PDIA5: variants seen among roughly 807,000 people sequenced by gnomAD.
The protein encoded by PDIA5 is protein disulfide isomerase family A member 5.
Under a neutral mutation model 77.6 loss-of-function variants are expected in PDIA5, and 58 were observed. The ratio of observed to expected loss-of-function variants is 0.75; its 90% CI spans 0.61 to 0.93. The LOEUF (loss-of-function observed/expected upper bound fraction) is 0.93. Among genes scored for constraint, PDIA5 ranks in the 40% least tolerant of loss-of-function variants. The pLI is 0.00. For missense variants in PDIA5, 630 were observed against 647.7 expected (o/e 0.97, Z 0.30); for synonymous variants, 250 against 252.1 (o/e 0.99, Z 0.08).
At chr3:123,111,121 G>A (rs969626218) in intron 7 of PDIA5, 117 bp downstream of exon 7, 13 of 743,626 alleles carry the variant, frequency 1.7e-5, no homozygotes, top group Admixed American at 8.2e-5. Flanking sequence ...GGCTTAGAAC[G>A]CTGAATCTCA....
chr3:123,150,144 C>T (rs1382139040), intron 13 of PDIA5, 90 bp from the exon 14 acceptor site: 22 of 870,668 alleles, frequency 2.5e-5, no homozygotes, highest in Admixed American at 4.3e-5. Context: ...GCATGTTCCC[C>T]CGAGTGGTTG....
At chr3:123,159,106 T>C (rs540668244) in intron 15 of PDIA5, among the ~76,000 whole-genome samples, 1 of 152,348 alleles carries the variant, frequency 6.6e-6, no homozygotes, top group East Asian at 1.9e-4. Context: ...CTCCAGGGCA[T>C]TGTATACAAA....
intron 1 of PDIA5, among the ~76,000 whole-genome samples, chr3:123,087,982 G>C (rs1276611691): frequency 6.6e-6 from 1 of 152,204 alleles, no homozygotes; most frequent in Non-Finnish European, 1.5e-5. Flanking sequence ...CCAGAGAAGG[G>C]AAGGGAGATG....
chr3:123,139,106 C>T lies in PDIA5; in HGVS notation c.911-6416C>T, dbSNP rs371311599. Among the ~76,000 whole-genome samples the T allele has an allele frequency of 3.9e-4, 59 of 152,300 alleles. 1 individual carries two copies. The highest frequency in any genetic ancestry group is 2.6e-3 in the Admixed American group (39 of 15,292). On this transcript the variant is annotated intron_variant, in intron 11 of 16. Transcript: ENST00000316218. Reference sequence around the variant, plus strand: ...GACCTCTATGCCAGATCACGGAAATCGGAGTAAGTGCACTTACACAGATGA... The same window carrying T: ...GACCTCTATGCCAGATCACGGAAATTGGAGTAAGTGCACTTACACAGATGA...
intron 10 of PDIA5, among the ~76,000 whole-genome samples, chr3:123,129,602 C>G (rs754047431): frequency 4.6e-5 from 7 of 152,204 alleles, no homozygotes; most frequent in Non-Finnish European, 8.8e-5. Flanking sequence ...TTAAGGTGCT[C>G]TGGCAAAGGT....
At chr3:123,112,998 A>T (rs1441136676) in intron 7 of PDIA5, among the ~76,000 whole-genome samples, 1 of 152,122 alleles carries the variant, frequency 6.6e-6, no homozygotes, top group Non-Finnish European at 1.5e-5. Flanking sequence ...TCTGCCCTGA[A>T]TGGTAGCTAC....
intron 14 of PDIA5, among the ~76,000 whole-genome samples, chr3:123,150,930 A>C (rs539607291): frequency 6.6e-6 from 1 of 152,292 alleles, no homozygotes; most frequent in African/African-American, 2.4e-5. Context: ...GAAGTTGTTA[A>C]TTGATACTTA....
intron 1 of PDIA5, among the ~76,000 whole-genome samples, chr3:123,083,423 C>T (rs1029118774): frequency 2.0e-5 from 3 of 152,072 alleles, no homozygotes; most frequent in Admixed American, 6.5e-5. Context: ...GCCCAGCCAG[C>T]GGGGGCAGCT....
intron 6 of PDIA5, among the ~76,000 whole-genome samples, chr3:123,110,658 C>G (rs1240121340): frequency 6.6e-6 from 1 of 152,190 alleles, no homozygotes; most frequent in Non-Finnish European, 1.5e-5. Flanking sequence ...TCCCTCTCAC[C>G]AGGCGGCCAA....
At chr3:123,130,301 G>A (rs772908488) in intron 10 of PDIA5, among the ~76,000 whole-genome samples, 179 bp from the exon 11 acceptor site, 2 of 152,196 alleles carry the variant, frequency 1.3e-5, no homozygotes, top group Non-Finnish European at 2.9e-5. Flanking sequence ...AGGTGGGCAG[G>A]GCCACACCAC....
intron 1 of PDIA5, among the ~76,000 whole-genome samples, chr3:123,073,165 C>T (rs1169864239): frequency 1.3e-5 from 2 of 152,150 alleles, no homozygotes; most frequent in African/African-American, 2.4e-5. Flanking sequence ...ACGTATTTCA[C>T]GACGGTGTGG....
chr3:123,129,998 G>T (rs1421506341), intron 10 of PDIA5, among the ~76,000 whole-genome samples: 2 of 151,980 alleles, frequency 1.3e-5, no homozygotes, highest in African/African-American at 2.4e-5. Flanking sequence ...TGAGATACCT[G>T]GCCTCTCTCT....
At chr3:123,081,049 A>G (rs948948370) in intron 1 of PDIA5, among the ~76,000 whole-genome samples, 2 of 152,198 alleles carry the variant, frequency 1.3e-5, no homozygotes, top group Admixed American at 1.3e-4. Flanking sequence ...AAGTTGCCAC[A>G]TCACACTTAA....
At chr3:123,152,011 T>TG (rs1560562570) in intron 14 of PDIA5, among the ~76,000 whole-genome samples, 26 of 130,876 alleles carry the variant, frequency 2.0e-4, no homozygotes, top group African/African-American at 8.7e-4. Flanking sequence ...CTTCCTTCCT[T>TG]CCTTCCTGCC....
intron 6 of PDIA5, among the ~76,000 whole-genome samples, chr3:123,108,235 A>G (rs975811815): frequency 4.6e-5 from 7 of 151,756 alleles, no homozygotes; most frequent in African/African-American, 1.7e-4. Context: ...ACTGGGCACA[A>G]CATTCTCTGG....
Position 123,067,063 on chromosome 3 carries a change from G to A in PDIA5, c.-102G>A. The A allele has an allele frequency of 1.0e-6, 1 of 979,832 alleles. No homozygotes were observed. Among genetic ancestry groups the A allele is most frequent in the African/African-American group, 1.7e-5 (1 of 59,730 alleles). The allele number at this position is 979,832 out of a possible 1,614,324, so 60.7% of individuals were successfully genotyped here. Reference sequence around the variant, plus strand: ...GGAACTCGGAGGCGGGGAGCGGCTGGGAAGTGGCCGTGGTGGTTGGCCGCG... The same window carrying A: ...GGAACTCGGAGGCGGGGAGCGGCTGAGAAGTGGCCGTGGTGGTTGGCCGCG... On this transcript the variant is annotated 5_prime_UTR_variant, in exon 1 of 17. Transcript: ENST00000316218.
At chr3:123,080,328 G>A (rs1054742691) in intron 1 of PDIA5, among the ~76,000 whole-genome samples, 19 of 152,156 alleles carry the variant, frequency 1.2e-4, no homozygotes, top group Non-Finnish European at 7.4e-5. Context: ...CTACCTGGAG[G>A]CTGGAGACGG....
chr3:123,132,186 CG>C (rs1935385448), intron 11 of PDIA5, among the ~76,000 whole-genome samples: 1 of 152,116 alleles, frequency 6.6e-6, no homozygotes, highest in South Asian at 2.1e-4. Context: ...CCCACGGCTC[CG>C]TGAGTCCTGA....
chr3:123,128,164 C>A (rs1935285775), intron 10 of PDIA5, among the ~76,000 whole-genome samples: 1 of 152,242 alleles, frequency 6.6e-6, no homozygotes, highest in East Asian at 1.9e-4. Context: ...ACCGCTAAAC[C>A]CTGTTTTCAG....
Sources: gnomAD v4.1 joint callset for allele counts (sites outside exome capture counted in the v4.1 genomes callset) on GRCh38, gnomAD v4.1.1 for gene constraint, MANE v1.5 for transcripts, NCBI Gene and HGNC (gene_info 2026-07-23, HGNC 2026-07-21) for gene names.